Variants in ETV6 observed in about 807,000 individuals in gnomAD.
ETV6 encodes the protein ETS variant transcription factor 6.
In ETV6, 16 loss-of-function variants were observed where a neutral mutation model predicts 51.1. The ratio of observed to expected loss-of-function variants is 0.31; its 90% CI spans 0.21 to 0.48. The LOEUF (loss-of-function observed/expected upper bound fraction) is 0.48. ETV6 is among the 20% of genes least tolerant of loss of function. The probability of loss-of-function intolerance (pLI) is 0.99; values close to 1 mark genes in which losing one functional copy is unlikely to be tolerated. For synonymous variants in ETV6, 240 were observed against 224.1 expected, an observed-to-expected ratio of 1.07 and a Z score of -0.64; for missense variants, 458 against 594.8, an observed-to-expected ratio of 0.77 and a Z score of 2.39.
chr12:11,670,310 A>G (rs1362582922), intron 1 of ETV6, among the ~76,000 whole-genome samples: 1 of 152,200 alleles, frequency 6.6e-6, no homozygotes, highest in Non-Finnish European at 1.5e-5. Flanking sequence ...GTAGAGTAAA[A>G]GCTTAAAAAT....
chr12:11,701,320 G>T (rs61366849), intron 1 of ETV6, among the ~76,000 whole-genome samples: 4,002 of 152,160 alleles, frequency 0.026, 187 homozygotes, highest in African/African-American at 0.091. Context: ...GTAATCAGGG[G>T]TCTTCTTCCT....
At chr12:11,731,540 G>T (rs1865598171) in intron 1 of ETV6, among the ~76,000 whole-genome samples, 1 of 152,072 alleles carries the variant, frequency 6.6e-6, no homozygotes, top group African/African-American at 2.4e-5. Context: ...AGAAGAGAAA[G>T]AATAATTTTT....
intron 2 of ETV6, among the ~76,000 whole-genome samples, chr12:11,769,878 G>A (rs1945216350): frequency 6.6e-6 from 1 of 152,152 alleles, no homozygotes; most frequent in Non-Finnish European, 1.5e-5. Flanking sequence ...GTGCTCTCCT[G>A]AAGCCCAGAG....
intron 1 of ETV6, among the ~76,000 whole-genome samples, chr12:11,664,909 T>A (rs1259457421): frequency 6.6e-6 from 1 of 152,222 alleles, no homozygotes; most frequent in Non-Finnish European, 1.5e-5. Flanking sequence ...ACTCTCTGTC[T>A]CACACCACAG....
chr12:11,869,421 C>T lies in ETV6; in HGVS notation c.464-3C>T, dbSNP rs767291815. On this transcript the variant is annotated splice_polypyrimidine_tract_variant and splice_region_variant and intron_variant, in intron 4 of 7. Coordinates refer to ENST00000396373, the MANE Select transcript of ETV6 (RefSeq NM_001987.5). This position sits in a 1 kb window ranked among gnomAD's most constrained non-coding sequence, Gnocchi z 5.0. ...TGTGATTGTCTTTCCCTCTGCTCCACAGATAACTGTGTCCAGAGGACCCCC... is the reference window on the plus strand; with the variant it reads ...TGTGATTGTCTTTCCCTCTGCTCCATAGATAACTGTGTCCAGAGGACCCCC... The T allele has an allele frequency of 3.0e-5, 48 of 1,601,148 alleles. No individual in the cohort carries two copies. The South Asian group carries it at 5.0e-4, about 17-fold the overall frequency.
intron 1 of ETV6, among the ~76,000 whole-genome samples, chr12:11,650,401 C>T (rs1438455914): frequency 9.1e-6 from 1 of 109,754 alleles, no homozygotes; most frequent in Non-Finnish European, 1.8e-5. Flanking sequence ...TGCTTTTTGA[C>T]AATGAAATGC....
At chr12:11,674,213 T>A (rs1160815862) in intron 1 of ETV6, among the ~76,000 whole-genome samples, 2 of 152,108 alleles carry the variant, frequency 1.3e-5, no homozygotes, top group Admixed American at 6.5e-5. Context: ...TGGGAAGTCC[T>A]TGCCTCGTTA....
intron 1 of ETV6, among the ~76,000 whole-genome samples, chr12:11,665,864 T>A (rs1864184949): frequency 6.6e-6 from 1 of 152,226 alleles, no homozygotes; most frequent in South Asian, 2.1e-4. Flanking sequence ...GCTCTCCTTC[T>A]CAGTTGCCTA....
intron 2 of ETV6, among the ~76,000 whole-genome samples, chr12:11,798,515 GCTCTTTCCTCT>G (rs1170723426): frequency 6.6e-6 from 1 of 152,162 alleles, no homozygotes; most frequent in Non-Finnish European, 1.5e-5. Flanking sequence ...CACGTGGGTA[GCTCTTTCCTCT>G]TCAGGAAAGG....
intron 2 of ETV6, among the ~76,000 whole-genome samples, chr12:11,822,020 C>G (rs1239262877): frequency 6.6e-6 from 1 of 152,234 alleles, no homozygotes; most frequent in Non-Finnish European, 1.5e-5. Flanking sequence ...GACTGGAAAG[C>G]TGTTGGCCCA....
chr12:11,697,086 C>T (rs1031499344), intron 1 of ETV6, among the ~76,000 whole-genome samples: 2 of 152,152 alleles, frequency 1.3e-5, no homozygotes, highest in African/African-American at 4.8e-5. Context: ...AAGCTGCAAT[C>T]AGTGAATCTA....
At chr12:11,750,649 A>G (rs941727348) in intron 1 of ETV6, among the ~76,000 whole-genome samples, 2 of 152,168 alleles carry the variant, frequency 1.3e-5, no homozygotes, top group African/African-American at 4.8e-5. Context: ...CTAGACATAT[A>G]GTGGGATTTG....
At chr12:11,776,463 T>TC (rs1245564986) in intron 2 of ETV6, among the ~76,000 whole-genome samples, 1 of 152,108 alleles carries the variant, frequency 6.6e-6, no homozygotes, top group African/African-American at 2.4e-5. Context: ...CAGGCTGGTC[T>TC]CCAAGTCCTG....
chr12:11,850,329 C>T (rs2136484626), intron 3 of ETV6, among the ~76,000 whole-genome samples: 1 of 152,230 alleles, frequency 6.6e-6, no homozygotes, highest in Admixed American at 6.5e-5. Context: ...TGTCAGACCC[C>T]CAGAGGCTTA....
chr12:11,883,263 A>C (rs73281341), intron 5 of ETV6, among the ~76,000 whole-genome samples: 3,972 of 124,798 alleles, frequency 0.032, 207 homozygotes, highest in African/African-American at 0.12. Context: ...GAAGGTGTAC[A>C]TCATGTCTTC....
intron 2 of ETV6, among the ~76,000 whole-genome samples, chr12:11,801,555 C>CA (rs1945749376): frequency 1.3e-5 from 2 of 152,370 alleles, no homozygotes; most frequent in South Asian, 4.1e-4. Flanking sequence ...ATAACACAGT[C>CA]ACGCAGGCAT....
intron 2 of ETV6, among the ~76,000 whole-genome samples, chr12:11,820,668 A>AG: frequency 6.6e-6 from 1 of 152,134 alleles, no homozygotes; most frequent in East Asian, 1.9e-4. Flanking sequence ...AGCAGAATGA[A>AG]GGAGGGAAAG....
At chr12:11,743,660 G>T (rs573670012) in intron 1 of ETV6, among the ~76,000 whole-genome samples, 202 of 152,168 alleles carry the variant, frequency 1.3e-3, no homozygotes, top group Non-Finnish European at 2.6e-3. Context: ...AAAACCTCAA[G>T]TTTCTTATTA....
At chr12:11,713,066 G>T (rs541385697) in intron 1 of ETV6, among the ~76,000 whole-genome samples, 1 of 152,286 alleles carries the variant, frequency 6.6e-6, no homozygotes, top group African/African-American at 2.4e-5. Context: ...AAGGGAGAAT[G>T]ACCAGGTGGG....
Sources: gnomAD v4.1 joint callset for allele counts (sites outside exome capture counted in the v4.1 genomes callset) on GRCh38, gnomAD v4.1.1 for gene constraint, Gnocchi (gnomAD v3.1) non-coding constraint, MANE v1.5 for transcripts, NCBI Gene and HGNC (gene_info 2026-07-23, HGNC 2026-07-21) for gene names.